CELF4: variants seen among roughly 807,000 people sequenced by gnomAD.
The protein encoded by CELF4 is CUG-BP- and ETR-3-like factor 4.
In CELF4, 18 loss-of-function variants were observed where a neutral mutation model predicts 59.9. The ratio of observed to expected loss-of-function variants is 0.30; its 90% CI spans 0.21 to 0.45. The LOEUF (loss-of-function observed/expected upper bound fraction) is 0.45. Ranked by LOEUF, CELF4 falls within the 20% of genes least tolerant of loss-of-function variation. CELF4 has a pLI of 1.00. For missense variants in CELF4, 456 were observed against 689.0 expected (o/e 0.66, Z 3.79); for synonymous variants, 261 against 267.1 (o/e 0.98, Z 0.22).
intron 2 of CELF4, among the ~76,000 whole-genome samples, chr18:37,427,040 G>C (rs5824062): frequency 6.1e-5 from 9 of 146,512 alleles, no homozygotes; most frequent in African/African-American, 1.3e-4. Flanking sequence ...AGGGACACGG[G>C]GGGGGGGGAA....
At chr18:37,353,233 A>AAAAAATATATATATATATATAT (rs71168258) in intron 2 of CELF4, among the ~76,000 whole-genome samples, 57 of 106,898 alleles carry the variant, frequency 5.3e-4, no homozygotes, top group Admixed American at 9.8e-4. Context: ...AAAAAAAAAA[A>AAAAAATATATATATATATATAT]ATATATATAT....
At chr18:37,383,225 G>A (rs2099062154) in intron 2 of CELF4, among the ~76,000 whole-genome samples, 2 of 152,134 alleles carry the variant, frequency 1.3e-5, no homozygotes, top group South Asian at 4.1e-4. Context: ...GCTGAGAAAG[G>A]CTGAGGCCTG....
intron 8 of CELF4, among the ~76,000 whole-genome samples, chr18:37,269,682 G>A (rs956298320): frequency 6.6e-6 from 1 of 152,200 alleles, no homozygotes; most frequent in Admixed American, 6.5e-5. Context: ...GTTAATGCTC[G>A]ATGGTAGTTT....
At chr18:37,456,783 G>T (rs2099779604) in intron 2 of CELF4, among the ~76,000 whole-genome samples, 1 of 152,150 alleles carries the variant, frequency 6.6e-6, no homozygotes, top group South Asian at 2.1e-4. Context: ...GCCATGCCCA[G>T]GTGAGAGGCA....
In CELF4 at chr18:37,274,578, C is replaced by T. The variant is rs775690072; in HGVS notation, c.658-124G>A. 5 of 1,579,520 alleles carry T rather than the reference C, an allele frequency of 3.2e-6. No homozygotes were observed. The Admixed American group carries it at 5.4e-5, about 17-fold the overall frequency. ...CGCTTTGGAGGAGGCGGCATCGGCGCTCGCCCAGGGGAATGAGGTGTGAAC... is the reference window on the plus strand; with the variant it reads ...CGCTTTGGAGGAGGCGGCATCGGCGTTCGCCCAGGGGAATGAGGTGTGAAC... On this transcript the variant is annotated intron_variant, in intron 5 of 12. Transcript: ENST00000420428.
intron 2 of CELF4, among the ~76,000 whole-genome samples, chr18:37,385,456 G>A (rs1041445603): frequency 1.1e-4 from 17 of 152,004 alleles, no homozygotes; most frequent in African/African-American, 3.9e-4. Flanking sequence ...GTCAAGGGAA[G>A]TAGGGGTTGC....
At chr18:37,362,759 C>T (rs1441103870) in intron 2 of CELF4, among the ~76,000 whole-genome samples, 2 of 152,180 alleles carry the variant, frequency 1.3e-5, no homozygotes, top group Admixed American at 1.3e-4. Context: ...TTGCCAGTCA[C>T]CTGCTCTCAC....
chr18:37,554,370 G>T (rs1180799680), intron 1 of CELF4, among the ~76,000 whole-genome samples: 1 of 152,192 alleles, frequency 6.6e-6, no homozygotes, highest in African/African-American at 2.4e-5. Context: ...ATGACCCTGG[G>T]TGAGTGGGAG....
At chr18:37,453,062 T>C (rs2187048) in intron 2 of CELF4, among the ~76,000 whole-genome samples, 24,375 of 152,228 alleles carry the variant, frequency 0.16, 3,132 homozygotes, top group African/African-American at 0.36. Context: ...TGCCTCAACT[T>C]CCTGAATATG....
chr18:37,391,531 A>G (rs192985144), intron 2 of CELF4, among the ~76,000 whole-genome samples: 2 of 151,766 alleles, frequency 1.3e-5, no homozygotes, highest in African/African-American at 4.8e-5. Context: ...CGGGCTGGGC[A>G]CCCTCCACCC....
intron 2 of CELF4, among the ~76,000 whole-genome samples, chr18:37,327,083 C>T (rs981987957): frequency 3.9e-5 from 6 of 152,070 alleles, no homozygotes; most frequent in Non-Finnish European, 8.8e-5. Context: ...CAGTGTGGCT[C>T]CCTCTGGAAG....
intron 1 of CELF4, among the ~76,000 whole-genome samples, chr18:37,547,061 G>A (rs1377924615): frequency 1.3e-5 from 2 of 152,138 alleles, no homozygotes; most frequent in Admixed American, 1.3e-4. Flanking sequence ...TGGATCCTCA[G>A]GATTTTATTT....
At chr18:37,302,375 C>T (rs2096111612) in intron 3 of CELF4, among the ~76,000 whole-genome samples, 1 of 152,226 alleles carries the variant, frequency 6.6e-6, no homozygotes, top group Admixed American at 6.5e-5. Flanking sequence ...AGGCCTCACA[C>T]TGCCTCTGTC....
intron 2 of CELF4, among the ~76,000 whole-genome samples, chr18:37,447,362 C>A (rs1192090991): frequency 6.6e-6 from 1 of 152,232 alleles, no homozygotes; most frequent in Admixed American, 6.5e-5. Flanking sequence ...CTGGGAAGGG[C>A]TTCAGGTGTC....
intron 2 of CELF4, among the ~76,000 whole-genome samples, chr18:37,432,283 C>T (rs546341329): frequency 2.0e-5 from 3 of 152,376 alleles, no homozygotes; most frequent in African/African-American, 7.2e-5. Flanking sequence ...GCACAGGCTC[C>T]AGAGGCCCGG....
rs1556932535 is a variant in CELF4, at chr18:37,243,190, T to TTC, written c.*2051_*2052insGA. On this transcript the variant is annotated 3_prime_UTR_variant, in exon 13 of 13. Coordinates refer to ENST00000420428, the MANE Select transcript of CELF4 (RefSeq NM_020180.4). The stretch of plus-strand genomic sequence containing the variant: ...TTCTTTTTTTTTTCTTTTTTTCTTT[T>TTC]TTTTTTTTTTTTTTTTACATCTGGA... The TTC allele has an allele frequency of 2.0e-5, 3 of 146,526 alleles. No individual in the cohort carries two copies. The highest frequency in any genetic ancestry group is 5.0e-5 in the African/African-American group (2 of 39,886). The allele number at this position is 146,526 out of a possible 1,614,324, so 9.1% of individuals were successfully genotyped here. A position where few individuals can be genotyped will look rare whatever the true frequency, so the allele number is the denominator to read the frequency against.
intron 1 of CELF4, among the ~76,000 whole-genome samples, chr18:37,504,184 T>G (rs2099934900): frequency 6.6e-6 from 1 of 152,132 alleles, no homozygotes; most frequent in African/African-American, 2.4e-5. Flanking sequence ...TCCATTCAGA[T>G]GGTATGGTTA....
At chr18:37,520,706 A>G (rs2099956347) in intron 1 of CELF4, among the ~76,000 whole-genome samples, 1 of 152,066 alleles carries the variant, frequency 6.6e-6, no homozygotes, top group Admixed American at 6.6e-5. Context: ...TGGGCAGAGC[A>G]CTCAGATCCC....
intron 2 of CELF4, among the ~76,000 whole-genome samples, chr18:37,391,318 T>G (rs2099159530): frequency 6.6e-6 from 1 of 152,164 alleles, no homozygotes; most frequent in Non-Finnish European, 1.5e-5. Context: ...TGCCCCTCTC[T>G]AAGGAGCAGC....
Sources: allele counts gnomAD v4.1 joint callset (sites outside exome capture counted in the v4.1 genomes callset), GRCh38; gene constraint gnomAD v4.1.1; transcripts MANE v1.5; gene names NCBI Gene and HGNC (gene_info 2026-07-23, HGNC 2026-07-21).